Variants in SGCZ observed in about 807,000 individuals in gnomAD.
SGCZ encodes the protein zeta-sarcoglycan.
Under a neutral mutation model 41.3 loss-of-function variants are expected in SGCZ, and 40 were observed. The ratio of observed to expected loss-of-function variants is 0.97; its 90% CI spans 0.75 to 1.26. The LOEUF is 1.26. Among genes scored for constraint, SGCZ ranks in the 50% most tolerant of loss-of-function variants. The probability of loss-of-function intolerance (pLI) is 0.00; values close to 1 mark genes in which losing one functional copy is unlikely to be tolerated. For synonymous variants in SGCZ, 206 were observed against 137.5 expected (o/e 1.50, Z -3.49); for missense variants, 552 against 369.8 (o/e 1.49, Z -4.04).
In SGCZ at chr8:14,497,309, T is replaced by A. The variant is rs921797562; in HGVS notation, c.234+57423A>T. On this transcript the variant is annotated intron_variant, in intron 2 of 7. Coordinates refer to ENST00000382080, the MANE Select transcript of SGCZ (RefSeq NM_139167.4). ...AAGAAGGTGAAGGGGAGCCAGCGTG[T>A]CTCATGGTCAGAGAGGGAGCAAGAG... Among the ~76,000 whole-genome samples the A allele has an allele frequency of 8.5e-5, 13 of 152,218 alleles. No individual in the cohort carries two copies. The South Asian group carries it at 1.2e-3, about 15-fold the overall frequency.
chr8:14,409,765 T>C (rs1193222376), intron 2 of SGCZ, among the ~76,000 whole-genome samples: 1 of 152,134 alleles, frequency 6.6e-6, no homozygotes, highest in Non-Finnish European at 1.5e-5. Context: ...CTGATATACA[T>C]ATATAGCAAC....
intron 2 of SGCZ, among the ~76,000 whole-genome samples, chr8:14,547,482 A>G (rs567802154): frequency 4.6e-5 from 7 of 152,172 alleles, no homozygotes; most frequent in Non-Finnish European, 1.0e-4. Flanking sequence ...TTATGCCTTC[A>G]TCAAGGACAT....
intron 1 of SGCZ, among the ~76,000 whole-genome samples, chr8:14,643,368 T>C: frequency 1.3e-5 from 2 of 151,788 alleles, no homozygotes; most frequent in Admixed American, 1.3e-4. Context: ...TCATGAATAT[T>C]ATTGTTGTAA....
intron 2 of SGCZ, among the ~76,000 whole-genome samples, chr8:14,544,689 G>A (rs1472839202): frequency 6.6e-6 from 1 of 152,072 alleles, no homozygotes; most frequent in Non-Finnish European, 1.5e-5. Context: ...CTCCACCCTG[G>A]TAAATTTGTG....
chr8:15,186,262 C>CAAAAAAAAAAAAAAAAAAAAAAAAAA (rs61237091), intron 1 of SGCZ, among the ~76,000 whole-genome samples: 1 of 80,718 alleles, frequency 1.2e-5, no homozygotes, highest in Non-Finnish European at 2.2e-5. Context: ...GATTCCGTAC[C>CAAAAAAAAAAAAAAAAAAAAAAAAAA]AAAAAAAAAA....
chr8:14,559,260 C>G (rs561647410), intron 1 of SGCZ, among the ~76,000 whole-genome samples: 2 of 152,200 alleles, frequency 1.3e-5, no homozygotes, highest in African/African-American at 4.8e-5. Context: ...GCTCCTAGAA[C>G]TGATGAATGA....
At chr8:14,178,540 ATTGGATGTTTGTCTG>A (rs1478129152) in intron 4 of SGCZ, among the ~76,000 whole-genome samples, 1 of 152,180 alleles carries the variant, frequency 6.6e-6, no homozygotes, top group Non-Finnish European at 1.5e-5. Flanking sequence ...GATAAAGGCT[ATTGGATGTTTGTCTG>A]TTGGATATTT....
At chr8:14,542,130 G>C (rs2117153779) in intron 2 of SGCZ, among the ~76,000 whole-genome samples, 1 of 152,130 alleles carries the variant, frequency 6.6e-6, no homozygotes, top group Middle Eastern at 3.4e-3. Context: ...AAGCTCTTTA[G>C]TTTAATTAGA....
At chr8:14,165,006 G>T in intron 4 of SGCZ, 1 of 277,808 alleles carries the variant, frequency 3.6e-6, no homozygotes. Flanking sequence ...TTTGTTCTCT[G>T]TTGCAGGCTG....
chr8:14,793,334 A>T (rs1801018753), intron 1 of SGCZ, among the ~76,000 whole-genome samples: 1 of 152,172 alleles, frequency 6.6e-6, no homozygotes, highest in Non-Finnish European at 1.5e-5. Flanking sequence ...TCACATCATG[A>T]TCAATGTTAA....
At chr8:14,968,260 T>C (rs780120259) in intron 1 of SGCZ, among the ~76,000 whole-genome samples, 1 of 152,144 alleles carries the variant, frequency 6.6e-6, no homozygotes, top group African/African-American at 2.4e-5. Flanking sequence ...AACACAATTG[T>C]ATTTCTATTA....
At chr8:14,938,325 T>A (rs1800151820) in intron 1 of SGCZ, among the ~76,000 whole-genome samples, 1 of 152,150 alleles carries the variant, frequency 6.6e-6, no homozygotes, top group African/African-American at 2.4e-5. Flanking sequence ...TCTACTTATG[T>A]GTGGATTTTC....
intron 1 of SGCZ, among the ~76,000 whole-genome samples, chr8:14,955,833 C>G (rs1001935222): frequency 2.0e-5 from 3 of 151,986 alleles, no homozygotes; most frequent in African/African-American, 7.2e-5. Flanking sequence ...CAAGAGCCCA[C>G]TTCTACTTTA....
chr8:14,977,044 G>A (rs1801501251), intron 1 of SGCZ, among the ~76,000 whole-genome samples: 1 of 152,202 alleles, frequency 6.6e-6, no homozygotes, highest in Non-Finnish European at 1.5e-5. Flanking sequence ...AAACACCAAT[G>A]TCTTTGCCCA....
chr8:14,884,450 CT>C (rs1268648056), intron 1 of SGCZ, among the ~76,000 whole-genome samples: 3 of 151,262 alleles, frequency 2.0e-5, no homozygotes, highest in African/African-American at 4.9e-5. Flanking sequence ...AAATAGAATC[CT>C]CATTCTTAGA....
intron 5 of SGCZ, among the ~76,000 whole-genome samples, chr8:14,117,944 T>C (rs111819119): frequency 0.054 from 8,211 of 151,196 alleles, 353 homozygotes; most frequent in Non-Finnish European, 0.087. Flanking sequence ...TAGTATTCCA[T>C]GGTTTATATG....
At position 14,998,684 on chromosome 8, in the gene SGCZ, T is replaced by G. The variant is rs541431444; in HGVS notation, c.39+238901A>C. 5.3e-5 allele frequency among the ~76,000 whole-genome samples: 8 copies of G among 152,352 alleles called. No individual in the cohort carries two copies. In the South Asian group the frequency reaches 1.7e-3, roughly 32 times the overall value. ...ATAAATGTCTCCTTGAAGTCAATTA[T>G]TCATAATTCTTATCAGAGTTTGGTC... is the stretch of plus-strand genomic sequence containing the variant. On this transcript the variant is annotated intron_variant, in intron 1 of 7. Transcript: ENST00000382080.
intron 2 of SGCZ, among the ~76,000 whole-genome samples, chr8:14,360,610 G>T (rs1366239409): frequency 6.6e-6 from 1 of 151,682 alleles, no homozygotes; most frequent in East Asian, 1.9e-4. Context: ...ACAGGTGTGA[G>T]TCACCGCGCC....
At position 14,407,423 on chromosome 8, in the gene SGCZ, C is replaced by T. The variant is rs1166466984; in HGVS notation, c.235-83219G>A. 2.0e-5 allele frequency among the ~76,000 whole-genome samples: 3 copies of T among 152,052 alleles called. No homozygotes were observed. The East Asian group carries it at 5.8e-4, about 29-fold the overall frequency. ...AGAAAATTTTAAGGTGGTTGCTAAA[C>T]ATCATCCACCTATGTGTTGGGTGGT... is the stretch of plus-strand genomic sequence containing the variant. On this transcript the variant is annotated intron_variant, in intron 2 of 7. Transcript: ENST00000382080.
Sources: gnomAD v4.1 joint callset for allele counts (sites outside exome capture counted in the v4.1 genomes callset) on GRCh38, gnomAD v4.1.1 for gene constraint, MANE v1.5 for transcripts, NCBI Gene and HGNC (gene_info 2026-07-23, HGNC 2026-07-21) for gene names.